Variants in ROBO2 observed in about 807,000 individuals in gnomAD.
ROBO2 encodes roundabout homolog 2.
ROBO2 carries 53 observed loss-of-function variants against 160.8 expected under a neutral mutation model. The ratio of observed to expected loss-of-function variants is 0.33; its 90% CI spans 0.26 to 0.41. The LOEUF is 0.41. Ranked by LOEUF, ROBO2 falls within the 10% of genes least tolerant of loss-of-function variation. The pLI is 1.00. For synonymous variants in ROBO2, 664 were observed against 611.7 expected, an observed-to-expected ratio of 1.09 and a Z score of -1.26; for missense variants, 1,577 against 1,722.4, an observed-to-expected ratio of 0.92 and a Z score of 1.49.
chr3:76,674,745 T>A (rs148879367), intron 2 of ROBO2, among the ~76,000 whole-genome samples: 254 of 152,278 alleles, frequency 1.7e-3, no homozygotes, highest in African/African-American at 5.8e-3. Flanking sequence ...TGAGATTCTG[T>A]CTGCGTTTCT....
intron 2 of ROBO2, among the ~76,000 whole-genome samples, chr3:76,440,533 A>C (rs1279996006): frequency 6.6e-6 from 1 of 152,170 alleles, no homozygotes; most frequent in Non-Finnish European, 1.5e-5. Context: ...AAATCTGTAA[A>C]GGGTGCTTTA....
intron 2 of ROBO2, among the ~76,000 whole-genome samples, chr3:76,605,950 C>A (rs758817467): frequency 1.3e-5 from 2 of 152,014 alleles, no homozygotes; most frequent in Admixed American, 1.3e-4. Context: ...TTCAAGGATG[C>A]GGTAGACAGG....
At chr3:76,122,894 A>G (rs995896964) in intron 2 of ROBO2, among the ~76,000 whole-genome samples, 7 of 151,990 alleles carry the variant, frequency 4.6e-5, no homozygotes, top group Non-Finnish European at 1.0e-4. Context: ...TCAACCCTGG[A>G]TTGCCACCAC....
intron 2 of ROBO2, among the ~76,000 whole-genome samples, chr3:77,243,294 ATAAAT>A (rs1365290094): frequency 1.3e-5 from 2 of 152,236 alleles, no homozygotes; most frequent in Non-Finnish European, 2.9e-5. Context: ...TATAAGTAAA[ATAAAT>A]TAAATTCAGC....
chr3:76,707,492 A>C (rs2093190050), intron 2 of ROBO2, among the ~76,000 whole-genome samples: 1 of 152,004 alleles, frequency 6.6e-6, no homozygotes, highest in Admixed American at 6.6e-5. Context: ...TCAAAGTGCT[A>C]AACAGCAGTA....
chr3:76,509,326 G>A (rs867605899), intron 2 of ROBO2, among the ~76,000 whole-genome samples: 1 of 152,066 alleles, frequency 6.6e-6, no homozygotes, highest in East Asian at 1.9e-4. Flanking sequence ...ACTCACCCCT[G>A]GTGGAGCAGA....
At chr3:77,302,266 A>T (rs887102748) in intron 2 of ROBO2, among the ~76,000 whole-genome samples, 1 of 152,124 alleles carries the variant, frequency 6.6e-6, no homozygotes, top group South Asian at 2.1e-4. Context: ...CAATAATAAA[A>T]AAAAAGATAT....
chr3:77,055,180 C>T (rs923004103), intron 1 of ROBO2, among the ~76,000 whole-genome samples: 1 of 152,108 alleles, frequency 6.6e-6, no homozygotes, highest in East Asian at 1.9e-4. Flanking sequence ...TTTTATTCAG[C>T]TTCCACTGCG....
At chr3:76,225,459 A>C (rs139911770) in intron 2 of ROBO2, among the ~76,000 whole-genome samples, 112 of 152,296 alleles carry the variant, frequency 7.4e-4, no homozygotes, top group African/African-American at 2.7e-3. Context: ...TCATGCCTGT[A>C]ATCCTAGCAC....
intron 2 of ROBO2, among the ~76,000 whole-genome samples, chr3:76,987,577 A>G (rs1304999071): frequency 6.6e-6 from 1 of 152,198 alleles, no homozygotes; most frequent in Non-Finnish European, 1.5e-5. Context: ...TATGCCATCA[A>G]TAATTCATGC....
chr3:76,260,573 A>ATT (rs1706680271), intron 2 of ROBO2, among the ~76,000 whole-genome samples: 1 of 152,150 alleles, frequency 6.6e-6, no homozygotes, highest in Non-Finnish European at 1.5e-5. Flanking sequence ...TGGTGAGGGT[A>ATT]TGAATCCAAA....
At chr3:76,330,351 T>C (rs1417887136) in intron 2 of ROBO2, among the ~76,000 whole-genome samples, 1 of 152,190 alleles carries the variant, frequency 6.6e-6, no homozygotes, top group Non-Finnish European at 1.5e-5. Context: ...GAAATAAGTC[T>C]TTTTTGCACC....
At chr3:76,229,005 C>T (rs1022513519) in intron 2 of ROBO2, among the ~76,000 whole-genome samples, 13 of 152,032 alleles carry the variant, frequency 8.6e-5, no homozygotes, top group Non-Finnish European at 1.0e-4. Context: ...GGCAAAAGAC[C>T]GAGATCCTCT....
At chr3:77,384,001 A>G (rs574308845) in intron 2 of ROBO2, among the ~76,000 whole-genome samples, 24 of 152,294 alleles carry the variant, frequency 1.6e-4, no homozygotes, top group African/African-American at 3.8e-4. Context: ...TACTTTAGAA[A>G]GAGTTTACTA....
At chr3:77,142,044 A>G (rs765522728) in intron 2 of ROBO2, among the ~76,000 whole-genome samples, 2 of 152,192 alleles carry the variant, frequency 1.3e-5, no homozygotes, top group African/African-American at 4.8e-5. Context: ...GTCAGTGAGC[A>G]TTTGGAAGAG....
chr3:77,186,511 A>T (rs374263788), intron 2 of ROBO2, among the ~76,000 whole-genome samples: 11 of 152,040 alleles, frequency 7.2e-5, no homozygotes, highest in East Asian at 3.9e-4. Flanking sequence ...ATAGAAAGCT[A>T]GTCAGTGAAG....
chr3:76,509,628 C>T (rs772909179), intron 2 of ROBO2, among the ~76,000 whole-genome samples: 8 of 152,114 alleles, frequency 5.3e-5, no homozygotes, highest in Non-Finnish European at 1.0e-4. Context: ...GTTGAGGCAA[C>T]GCTTTCCAAC....
At chr3:76,021,520 C>G (rs2066573842) in intron 2 of ROBO2, among the ~76,000 whole-genome samples, 1 of 151,748 alleles carries the variant, frequency 6.6e-6, no homozygotes. Flanking sequence ...TGAAGATATA[C>G]AGGCGTACCT....
rs540886476 is a variant in ROBO2 at position 75,939,367 on chromosome 3, C to T, written c.109+1765C>T. 2.0e-3 allele frequency among the ~76,000 whole-genome samples: 304 copies of T among 152,196 alleles called. 1 individual carries two copies. Among genetic ancestry groups the T allele is most frequent in the African/African-American group, 7.1e-3 (296 of 41,540 alleles). On this transcript the variant is annotated intron_variant, in intron 2 of 26. Transcript: ENST00000487694. Reference sequence around the variant, plus strand: ...TATTTGAGAAAAATAGGTATCTTCTCTCTTATTTACCCAAACCCTTTTATT... The same window carrying T: ...TATTTGAGAAAAATAGGTATCTTCTTTCTTATTTACCCAAACCCTTTTATT...
Sources: gnomAD v4.1 joint callset for allele counts (sites outside exome capture counted in the v4.1 genomes callset) on GRCh38, gnomAD v4.1.1 for gene constraint, MANE v1.5 for transcripts, NCBI Gene and HGNC (gene_info 2026-07-23, HGNC 2026-07-21) for gene names.